Variants in HELLS observed in about 807,000 individuals in gnomAD.
The protein encoded by HELLS is lymphoid-specific helicase.
In HELLS, 32 loss-of-function variants were observed where a neutral mutation model predicts 120.0. That is an observed-to-expected ratio of 0.27 (90% CI 0.20 to 0.36). The LOEUF (loss-of-function observed/expected upper bound fraction) is 0.36, where lower values mean the gene tolerates loss of function less well. Ranked by LOEUF, HELLS falls within the 10% of genes least tolerant of loss-of-function variation. The probability of loss-of-function intolerance (pLI) is 1.00; values close to 1 mark genes in which losing one functional copy is unlikely to be tolerated. For missense variants in HELLS, 650 were observed against 993.4 expected, an observed-to-expected ratio of 0.65 and a Z score of 4.65; for synonymous variants, 341 against 323.4, an observed-to-expected ratio of 1.05 and a Z score of -0.58.
exon 10 of HELLS, chr10:94,611,172 T>C (rs532841346): frequency 1.3e-5 from 2 of 152,320 alleles, no homozygotes; most frequent in South Asian, 4.1e-4. Flanking sequence ...TTTTATAATA[T>C]TGCATAGTAG....
intron 6 of HELLS, among the ~76,000 whole-genome samples, chr10:94,564,106 G>A (rs1400678999): frequency 2.0e-5 from 3 of 152,106 alleles, no homozygotes; most frequent in Admixed American, 6.6e-5. Flanking sequence ...CACTGCACCC[G>A]GCCTTTGCTG....
At chr10:94,599,069 G>A (rs913011001) in intron 21 of HELLS, among the ~76,000 whole-genome samples, 1 of 151,860 alleles carries the variant, frequency 6.6e-6, no homozygotes, top group Non-Finnish European at 1.5e-5. Context: ...GTAGCTTTAT[G>A]GGAAGTGTAC....
chr10:94,553,204 A>G (rs890703276), intron 2 of HELLS, among the ~76,000 whole-genome samples: 94 of 152,262 alleles, frequency 6.2e-4, no homozygotes, highest in African/African-American at 2.2e-3. Flanking sequence ...ACAAGGTAAT[A>G]TAATAACACG....
Position 94,581,307 on chromosome 10 carries a change from T to TC in HELLS, c.1033-17dup, listed in dbSNP as rs1288817598. The stretch of plus-strand genomic sequence containing the variant: ...TGAGATCATTGTTTAAAAATCTTTT[T>TC]CCTCAATTCGTTTTCTAGCATTGCT... On this transcript the variant is annotated intron_variant, in intron 10 of 21. Transcript: ENST00000348459. The TC allele has an allele frequency of 8.2e-6, 12 of 1,455,184 alleles. No homozygotes were observed. Among genetic ancestry groups the TC allele is most frequent in the Admixed American group, 2.4e-5 (1 of 42,066 alleles). The allele number at this position is 1,455,184 out of a possible 1,614,324, so 90.1% of individuals were successfully genotyped here.
At chr10:94,588,587 C>A (rs1011891344) in intron 13 of HELLS, among the ~76,000 whole-genome samples, 197 bp downstream of exon 13, 3 of 152,076 alleles carry the variant, frequency 2.0e-5, no homozygotes, top group African/African-American at 7.2e-5. Flanking sequence ...CGCCATGTTT[C>A]CCAGGTTGGT....
intron 6 of HELLS, among the ~76,000 whole-genome samples, chr10:94,565,175 A>G (rs908522212): frequency 1.3e-5 from 2 of 152,182 alleles, no homozygotes; most frequent in Admixed American, 6.5e-5. Flanking sequence ...CGTCTCTACT[A>G]AAAATATAAA....
intron 12 of HELLS, among the ~76,000 whole-genome samples, chr10:94,584,329 T>G (rs886330321): frequency 1.3e-5 from 2 of 152,078 alleles, no homozygotes; most frequent in East Asian, 3.8e-4. Context: ...GGGATAAACT[T>G]TGTTTATGGT....
At chr10:94,595,667 G>A (rs1168187906) in intron 19 of HELLS, among the ~76,000 whole-genome samples, 1 of 152,028 alleles carries the variant, frequency 6.6e-6, no homozygotes, top group African/African-American at 2.4e-5. Flanking sequence ...ACTGACATAG[G>A]TGAAAAAGTT....
chr10:94,592,321 T>C lies in HELLS; in HGVS notation c.1851+9T>C. 1 of 1,600,298 alleles carries C rather than the reference T, an allele frequency of 6.2e-7. No homozygotes were observed. Among genetic ancestry groups the C allele is most frequent in the Non-Finnish European group, 8.5e-7 (1 of 1,174,674 alleles). ...AAAAAAGAGGTCACAAGGTGGTACTTTTGATTGGAATTTTGGATTGTTCAA... is the reference window on the plus strand; with the variant it reads ...AAAAAAGAGGTCACAAGGTGGTACTCTTGATTGGAATTTTGGATTGTTCAA... On this transcript the variant is annotated intron_variant, in intron 16 of 21. Transcript: ENST00000348459.
chr10:94,594,939 T>A, intron 19 of HELLS, 85 bp downstream of exon 19: 1 of 1,056,888 alleles, frequency 9.5e-7, no homozygotes, highest in Non-Finnish European at 1.4e-6. Flanking sequence ...TATAAAATAT[T>A]ACAGCCTGGG....
In HELLS at chr10:94,579,900, C is replaced by T. The variant is rs1042547253; in HGVS notation, c.1033-1426C>T. Among the ~76,000 whole-genome samples the T allele has an allele frequency of 3.9e-5, 6 of 151,934 alleles. No homozygotes were observed. In the East Asian group the frequency reaches 1.2e-3, roughly 29 times the overall value. On this transcript the variant is annotated intron_variant, in intron 10 of 21. Transcript: ENST00000348459. ...ATAGTTAAGCTTCCTTGTCCATTTC[C>T]TTTGCCAGTGGCTAGAAACTTTTGA...
chr10:94,586,230 C>T (rs1296212441), intron 12 of HELLS, among the ~76,000 whole-genome samples: 3 of 152,112 alleles, frequency 2.0e-5, no homozygotes, highest in Non-Finnish European at 4.4e-5. Context: ...ACGCTATTCT[C>T]CTGCCTCAGC....
intron 21 of HELLS, among the ~76,000 whole-genome samples, chr10:94,598,970 T>G (rs1011675078): frequency 3.3e-5 from 5 of 152,206 alleles, no homozygotes; most frequent in Non-Finnish European, 7.3e-5. Context: ...AATTTGATCA[T>G]AAATATAAGG....
chr10:94,562,910 G>A, intron 6 of HELLS, 34 bp downstream of exon 6: 1 of 1,265,916 alleles, frequency 7.9e-7, no homozygotes, highest in Non-Finnish European at 1.1e-6. Context: ...CCTAACATTT[G>A]ATGTTGAGTA....
intron 21 of HELLS, among the ~76,000 whole-genome samples, chr10:94,598,325 G>C (rs774667253): frequency 2.6e-5 from 4 of 152,160 alleles, no homozygotes; most frequent in Admixed American, 6.5e-5. Flanking sequence ...AAAGGGTCTT[G>C]CTTTGTATTC....
chr10:94,554,539 G>A (rs987506117), intron 3 of HELLS, among the ~76,000 whole-genome samples: 2 of 151,162 alleles, frequency 1.3e-5, no homozygotes, highest in Admixed American at 6.6e-5. Flanking sequence ...CTAGAAAATT[G>A]TATAAATGAA....
At chr10:94,550,163 G>A (rs988601352) in intron 2 of HELLS, among the ~76,000 whole-genome samples, 23 of 151,534 alleles carry the variant, frequency 1.5e-4, no homozygotes, top group African/African-American at 5.3e-4. Context: ...CAGGTGATCC[G>A]CCCGTCTTGA....
chr10:94,571,326 G>C, intron 6 of HELLS, 62 bp from the exon 7 acceptor site: 1 of 1,281,408 alleles, frequency 7.8e-7, no homozygotes, highest in South Asian at 1.3e-5. Flanking sequence ...AATGCTTGTT[G>C]AATAAATAAA....
chr10:94,605,779 G>A (rs764685061), downstream of HELLS, among the ~76,000 whole-genome samples: 5 of 151,240 alleles, frequency 3.3e-5, no homozygotes, highest in African/African-American at 4.9e-5. Context: ...CCACAGCCAT[G>A]CACCAAATGC....
Sources: allele counts gnomAD v4.1 joint callset (sites outside exome capture counted in the v4.1 genomes callset), GRCh38; gene constraint gnomAD v4.1.1; transcripts MANE v1.5; gene names NCBI Gene and HGNC (gene_info 2026-07-23, HGNC 2026-07-21).